The following DAB1 variants were observed in gnomAD, a reference collection of about 807,000 sequenced individuals.
DAB1 encodes disabled homolog 1.
In DAB1, 15 loss-of-function variants were observed where a neutral mutation model predicts 64.6. The observed-to-expected ratio is 0.23, with a 90% CI of 0.16 to 0.36. The LOEUF (loss-of-function observed/expected upper bound fraction) is 0.36, where lower values mean the gene tolerates loss of function less well. DAB1 is among the 10% of genes least tolerant of loss of function. DAB1 has a pLI of 1.00. For synonymous variants in DAB1, 235 were observed against 251.9 expected (o/e 0.93, Z 0.64); for missense variants, 596 against 706.7 (o/e 0.84, Z 1.78).
intron 4 of DAB1, among the ~76,000 whole-genome samples, chr1:58,276,894 T>C (rs1661459352): frequency 1.3e-5 from 2 of 152,080 alleles, no homozygotes; most frequent in South Asian, 4.1e-4. Context: ...GAGTGTTATG[T>C]AGAGTTAATT....
At chr1:58,471,031 C>G (rs1408625469) in intron 3 of DAB1, among the ~76,000 whole-genome samples, 1 of 152,062 alleles carries the variant, frequency 6.6e-6, no homozygotes, top group Non-Finnish European at 1.5e-5. Context: ...AAAATGGAAC[C>G]AATACTATTT....
intron 7 of DAB1, among the ~76,000 whole-genome samples, chr1:57,497,254 A>G (rs1330490594): frequency 6.6e-6 from 1 of 152,142 alleles, no homozygotes; most frequent in Non-Finnish European, 1.5e-5. Context: ...TATTAATATG[A>G]TATGTTTATT....
intron 6 of DAB1, among the ~76,000 whole-genome samples, chr1:57,749,643 C>A (rs1648459857): frequency 6.6e-6 from 1 of 152,018 alleles, no homozygotes; most frequent in African/African-American, 2.4e-5. Context: ...GCCCCTTAAT[C>A]CATGTGGCAA....
intron 1 of DAB1, among the ~76,000 whole-genome samples, 186 bp downstream of exon 1, chr1:57,423,744 G>A (rs1570501129): frequency 6.6e-6 from 1 of 152,044 alleles, no homozygotes; most frequent in East Asian, 1.9e-4. Context: ...GAGGGAGAAG[G>A]CGAAAAACTG....
At chr1:58,400,534 A>G (rs1207665869) in intron 3 of DAB1, among the ~76,000 whole-genome samples, 1 of 152,220 alleles carries the variant, frequency 6.6e-6, no homozygotes, top group South Asian at 2.1e-4. Context: ...GTTTAGAGAA[A>G]CAGACAGGCA....
At chr1:58,461,755 G>A (rs1186079327) in intron 3 of DAB1, among the ~76,000 whole-genome samples, 1 of 152,142 alleles carries the variant, frequency 6.6e-6, no homozygotes, top group African/African-American at 2.4e-5. Context: ...ATTCCCAATG[G>A]CTCCTGATTT....
chr1:57,779,710 T>C (rs1472605600), intron 6 of DAB1, among the ~76,000 whole-genome samples: 1 of 152,176 alleles, frequency 6.6e-6, no homozygotes, highest in African/African-American at 2.4e-5. Flanking sequence ...TCTTGGGAAG[T>C]CAGACATATG....
At chr1:58,270,376 A>G (rs1308053496) in intron 4 of DAB1, among the ~76,000 whole-genome samples, 1 of 136,758 alleles carries the variant, frequency 7.3e-6, no homozygotes, top group Non-Finnish European at 1.6e-5. Context: ...TGTTCCATTG[A>G]TCTATATCTC....
At chr1:57,462,724 G>T (rs1258162869) in intron 7 of DAB1, among the ~76,000 whole-genome samples, 1 of 152,294 alleles carries the variant, frequency 6.6e-6, no homozygotes, top group East Asian at 1.9e-4. Flanking sequence ...ATGGTGCTAA[G>T]ATTTGAACTT....
chr1:58,346,180 GCAGA>G (rs1408762065), intron 3 of DAB1, among the ~76,000 whole-genome samples: 103 of 152,334 alleles, frequency 6.8e-4, no homozygotes, highest in African/African-American at 2.4e-3. Flanking sequence ...ATTTCCTGCT[GCAGA>G]TGAATGGGCA....
chr1:57,402,108 T>A (rs1683288762), intron 1 of DAB1, among the ~76,000 whole-genome samples: 1 of 152,174 alleles, frequency 6.6e-6, no homozygotes, highest in African/African-American at 2.4e-5. Context: ...GACCTCTAAT[T>A]TCACGGTACA....
intron 1 of DAB1, among the ~76,000 whole-genome samples, chr1:57,398,932 G>A (rs1423361967): frequency 1.5e-5 from 1 of 64,772 alleles, no homozygotes; most frequent in Non-Finnish European, 4.2e-5. Flanking sequence ...GGTTTTGAAT[G>A]TGTGCTCTCC....
At chr1:57,992,152 C>T (rs1646353492) in intron 5 of DAB1, among the ~76,000 whole-genome samples, 1 of 152,162 alleles carries the variant, frequency 6.6e-6, no homozygotes, top group South Asian at 2.1e-4. Flanking sequence ...CGGCATGATT[C>T]CACGTACATA....
At chr1:57,696,436 C>A (rs1381276362) in intron 6 of DAB1, among the ~76,000 whole-genome samples, 1 of 152,036 alleles carries the variant, frequency 6.6e-6, no homozygotes, top group African/African-American at 2.4e-5. Flanking sequence ...GTTGGGAAAA[C>A]CCTTGAAAAT....
intron 7 of DAB1, among the ~76,000 whole-genome samples, chr1:57,566,882 T>C (rs1245992474): frequency 6.6e-6 from 1 of 152,164 alleles, no homozygotes; most frequent in East Asian, 1.9e-4. Flanking sequence ...TCTGAAACTA[T>C]TCCAATCAAT....
intron 3 of DAB1, among the ~76,000 whole-genome samples, chr1:58,356,857 C>A (rs1644116314): frequency 6.6e-6 from 1 of 151,726 alleles, no homozygotes; most frequent in South Asian, 2.1e-4. Context: ...GAACTGGGCT[C>A]TACAAAAAAT....
At chr1:57,362,282 C>A (rs887346284) in intron 1 of DAB1, among the ~76,000 whole-genome samples, 5 of 152,038 alleles carry the variant, frequency 3.3e-5, no homozygotes, top group African/African-American at 1.2e-4. Flanking sequence ...ATGTGGAGTC[C>A]TTAAAAGAGA....
intron 6 of DAB1, among the ~76,000 whole-genome samples, chr1:57,744,888 A>G (rs1007016045): frequency 2.6e-5 from 4 of 152,136 alleles, no homozygotes; most frequent in African/African-American, 9.7e-5. Flanking sequence ...TCCACCTGCA[A>G]TTTTCTTTCT....
intron 5 of DAB1, among the ~76,000 whole-genome samples, chr1:58,124,516 A>T (rs1652945781): frequency 6.6e-6 from 1 of 152,182 alleles, no homozygotes; most frequent in Middle Eastern, 3.2e-3. Flanking sequence ...TGATCTACCT[A>T]AATAATATTT....
Sources: gnomAD v4.1 joint callset for allele counts (sites outside exome capture counted in the v4.1 genomes callset) on GRCh38, gnomAD v4.1.1 for gene constraint, MANE v1.5 for transcripts, NCBI Gene and HGNC (gene_info 2026-07-23, HGNC 2026-07-21) for gene names.